TDRD7: variants seen among roughly 807,000 people sequenced by gnomAD.
The protein encoded by TDRD7 is tudor domain-containing protein 7.
TDRD7 carries 47 observed loss-of-function variants against 109.8 expected under a neutral mutation model. The observed-to-expected ratio is 0.43, with a 90% CI of 0.34 to 0.55. TDRD7 has a LOEUF of 0.55. TDRD7 is among the 20% of genes least tolerant of loss of function. TDRD7 has a pLI of 0.03. For synonymous variants in TDRD7, 424 were observed against 457.3 expected (o/e 0.93, Z 0.93); for missense variants, 1,164 against 1,319.2 (o/e 0.88, Z 1.82).
chr9:97,475,299 G>A (rs373086301), intron 11 of TDRD7, 84 bp from the exon 12 acceptor site: 1 of 1,077,534 alleles, frequency 9.3e-7, no homozygotes, highest in East Asian at 2.4e-5. Flanking sequence ...GTCTGCCAGT[G>A]CCACAGCGAT....
intron 16 of TDRD7, among the ~76,000 whole-genome samples, chr9:97,492,425 C>T (rs1829323218): frequency 1.3e-5 from 2 of 152,218 alleles, no homozygotes; most frequent in Admixed American, 1.3e-4. Flanking sequence ...GTGTGCCTTT[C>T]TTCACTGTAT....
At chr9:97,453,485 C>G (rs1234136936) in intron 6 of TDRD7, among the ~76,000 whole-genome samples, 1 of 152,028 alleles carries the variant, frequency 6.6e-6, no homozygotes, top group African/African-American at 2.4e-5. Flanking sequence ...TCCAGGTTCT[C>G]TCAGCAAAGT....
At chr9:97,438,322 C>T (rs1225456345) in intron 4 of TDRD7, among the ~76,000 whole-genome samples, 1 of 152,116 alleles carries the variant, frequency 6.6e-6, no homozygotes, top group Non-Finnish European at 1.5e-5. Context: ...TGCTTCATTT[C>T]AAGGAATTGA....
intron 8 of TDRD7, among the ~76,000 whole-genome samples, chr9:97,466,887 CATTGAT>C: frequency 6.6e-6 from 1 of 152,150 alleles, no homozygotes; most frequent in East Asian, 1.9e-4. Context: ...TGGATGTATA[CATTGAT>C]CAAAGCCCAT....
chr9:97,473,371 C>A, intron 10 of TDRD7, 121 bp from the exon 11 acceptor site: 1 of 1,349,140 alleles, frequency 7.4e-7, no homozygotes, highest in Non-Finnish European at 1.1e-6. Flanking sequence ...TACATATACT[C>A]TAACTTAAAG....
At chr9:97,490,554 G>C (rs567763656) in intron 16 of TDRD7, among the ~76,000 whole-genome samples, 8 of 144,536 alleles carry the variant, frequency 5.5e-5, no homozygotes, top group South Asian at 4.7e-4. Context: ...TTTGGTGGGG[G>C]GGGGGGCATT....
intron 10 of TDRD7, 86 bp downstream of exon 10, chr9:97,472,581 T>C: frequency 8.8e-7 from 1 of 1,136,176 alleles, no homozygotes; most frequent in East Asian, 2.4e-5. Context: ...AGGCTAACAA[T>C]TGATAGAGAC....
intron 16 of TDRD7, among the ~76,000 whole-genome samples, chr9:97,490,552 G>T (rs182047057): frequency 1.3e-4 from 18 of 143,096 alleles, no homozygotes; most frequent in Admixed American, 2.8e-4. Context: ...ATTTTGGTGG[G>T]GGGGGGGGCA....
intron 6 of TDRD7, among the ~76,000 whole-genome samples, chr9:97,448,214 C>CTTA (rs1828433471): frequency 6.6e-6 from 1 of 152,320 alleles, no homozygotes; most frequent in Admixed American, 6.5e-5. Flanking sequence ...ATATCTTGGG[C>CTTA]TTATCATCAC....
rs148718632 is a variant in TDRD7 at position 97,470,622 on chromosome 9, C to T, written c.1694C>T (p.Pro565Leu). ...VEKSKAYKLN[P>L]KFCSLSFQAT... Reference sequence around the variant, plus strand: ...AAAAGCAAAGCATACAAATTAAACCCGAAGTTTTGTTCACTCTCATTTCAA... The same window carrying T: ...AAAAGCAAAGCATACAAATTAAACCTGAAGTTTTGTTCACTCTCATTTCAA... Residue 565 changes from proline to leucine, a missense_variant, in exon 9 of 17, where the codon CCG becomes CTG. Pro to Leu is a moderately conservative substitution (Grantham distance 98). This residue lies in a region of TDRD7 where 261 missense variants were observed against 336.2 expected (regional missense o/e 0.78). Coordinates refer to ENST00000355295, the MANE Select transcript of TDRD7 (RefSeq NM_014290.3). 481 of 1,613,704 alleles carry T rather than the reference C, an allele frequency of 3.0e-4. No individual in the cohort carries two copies. Among genetic ancestry groups the T allele is most frequent in the Non-Finnish European group, 3.9e-4 (458 of 1,179,926 alleles).
intron 1 of TDRD7, among the ~76,000 whole-genome samples, chr9:97,415,718 G>A (rs559097075): frequency 2.6e-3 from 400 of 152,256 alleles, no homozygotes; most frequent in African/African-American, 9.2e-3. Context: ...ACTTGAACCC[G>A]GCAGGCGGAG....
chr9:97,424,299 G>A (rs1225759376), intron 1 of TDRD7, among the ~76,000 whole-genome samples: 11 of 151,930 alleles, frequency 7.2e-5, no homozygotes, highest in East Asian at 3.9e-4. Context: ...CAGATGAACC[G>A]CCCACCTCGG....
Position 97,496,118 on chromosome 9 carries a change from A to G in TDRD7, c.*235A>G, listed in dbSNP as rs550951502. On this transcript the variant is annotated 3_prime_UTR_variant, in exon 17 of 17. Transcript: ENST00000355295. ...AATATTAGAATAAAAATGTTTATCA[A>G]TATAAAAGCTGACTACCTTTTAATT... The G allele has an allele frequency of 2.0e-5, 9 of 451,406 alleles. No individual in the cohort carries two copies. Among genetic ancestry groups the G allele is most frequent in the African/African-American group, 7.9e-5 (4 of 50,636 alleles). The allele number at this position is 451,406 out of a possible 1,614,324, so 28.0% of individuals were successfully genotyped here. A position where few individuals can be genotyped will look rare whatever the true frequency, so the allele number is the denominator to read the frequency against.
intron 1 of TDRD7, among the ~76,000 whole-genome samples, chr9:97,423,096 T>C (rs1827925233): frequency 6.6e-6 from 1 of 152,158 alleles, no homozygotes; most frequent in African/African-American, 2.4e-5. Flanking sequence ...TCTGTAAGAG[T>C]AGTATTGATT....
chr9:97,482,754 A>G, intron 14 of TDRD7, 95 bp from the exon 15 acceptor site: 1 of 1,382,348 alleles, frequency 7.2e-7, no homozygotes, highest in South Asian at 1.3e-5. Flanking sequence ...GGTTTTGGCA[A>G]AATACTGTGT....
chr9:97,446,732 T>C (rs2118400877), intron 6 of TDRD7, among the ~76,000 whole-genome samples: 1 of 152,328 alleles, frequency 6.6e-6, no homozygotes, highest in African/African-American at 2.4e-5. Flanking sequence ...TTCAGGAATC[T>C]AACTTAATTT....
At chr9:97,471,567 A>G (rs1035668163) in intron 9 of TDRD7, among the ~76,000 whole-genome samples, 1 of 152,258 alleles carries the variant, frequency 6.6e-6, no homozygotes, top group African/African-American at 2.4e-5. Flanking sequence ...AGAAGAAGAA[A>G]AAACTCGGAG....
chr9:97,455,269 C>T (rs892354218), intron 6 of TDRD7, among the ~76,000 whole-genome samples: 1 of 152,180 alleles, frequency 6.6e-6, no homozygotes, highest in Admixed American at 6.5e-5. Flanking sequence ...GGTACCCTTC[C>T]TTCTGAAACT....
rs1205841327 is a variant in TDRD7 at position 97,412,768 on chromosome 9, AC to A, written c.-7+531del. Among the ~76,000 whole-genome samples, 1 of 152,188 alleles carries A rather than the reference AC, an allele frequency of 6.6e-6. No homozygotes were observed. The highest frequency in any genetic ancestry group is 1.5e-5 in the Non-Finnish European group (1 of 68,038). On this transcript the variant is annotated intron_variant, in intron 1 of 16. Coordinates refer to ENST00000355295, the MANE Select transcript of TDRD7 (RefSeq NM_014290.3). The surrounding 1 kb of genome is among the most constrained non-coding windows in gnomAD (Gnocchi z 4.3). The stretch of plus-strand genomic sequence containing the variant: ...AGGCCGCTTAAGTAATGCAGGACAC[AC>A]ATCCCCATTTCTCTCAAACGAGGAG...
Sources: allele counts gnomAD v4.1 joint callset (sites outside exome capture counted in the v4.1 genomes callset), GRCh38; gene constraint gnomAD v4.1.1; regional missense constraint gnomAD v4.1.1; non-coding constraint Gnocchi (gnomAD v3.1); transcripts MANE v1.5; gene names NCBI Gene and HGNC (gene_info 2026-07-23, HGNC 2026-07-21).